The following USP7 variants were observed in gnomAD, a reference collection of about 807,000 sequenced individuals.
The protein encoded by USP7 is ubiquitin C-terminal hydrolase 7.
USP7 carries 9 observed loss-of-function variants against 162.9 expected under a neutral mutation model. The observed-to-expected ratio is 0.06, with a 90% CI of 0.03 to 0.10. USP7 has a LOEUF of 0.10. Ranked by LOEUF, USP7 falls within the 10% of genes least tolerant of loss-of-function variation. The probability of loss-of-function intolerance (pLI) is 1.00; values close to 1 mark genes in which losing one functional copy is unlikely to be tolerated. For missense variants in USP7, 715 were observed against 1,373.7 expected (o/e 0.52, Z 7.58); for synonymous variants, 562 against 475.9 (o/e 1.18, Z -2.35).
chr16:8,934,651 C>A (rs1898578326), intron 1 of USP7, among the ~76,000 whole-genome samples: 1 of 152,212 alleles, frequency 6.6e-6, no homozygotes, highest in African/African-American at 2.4e-5. Flanking sequence ...CTGAGCAAGA[C>A]CCCAGCTTTT....
chr16:8,895,230 C>T (rs2061663269), intron 27 of USP7, 80 bp from the exon 28 acceptor site: 2 of 1,602,116 alleles, frequency 1.2e-6, no homozygotes, highest in Non-Finnish European at 8.5e-7. Context: ...TCTCACACTA[C>T]TCTAACCCGG....
chr16:8,897,726 A>AAAAAAAAAAATATAT (rs1555461671), intron 25 of USP7, among the ~76,000 whole-genome samples: 3 of 7,132 alleles, frequency 4.2e-4, no homozygotes, highest in Non-Finnish European at 7.0e-4. Flanking sequence ...AAAAAAAAAA[A>AAAAAAAAAAATATAT]ATATATATAT....
intron 1 of USP7, among the ~76,000 whole-genome samples, chr16:8,948,172 C>A (rs761738032): frequency 6.6e-6 from 1 of 152,210 alleles, no homozygotes; most frequent in Non-Finnish European, 1.5e-5. Flanking sequence ...CCCACAGTTC[C>A]GCTCCCCTGA....
At chr16:8,900,148 C>T in intron 21 of USP7, 1 of 359,980 alleles carries the variant, frequency 2.8e-6, no homozygotes, top group Admixed American at 4.6e-5. Context: ...GAGCCACTTT[C>T]AGACACTGAG....
At chr16:8,942,401 C>T (rs1899089320) in intron 1 of USP7, among the ~76,000 whole-genome samples, 2 of 152,192 alleles carry the variant, frequency 1.3e-5, no homozygotes, top group African/African-American at 4.8e-5. Context: ...GGTCTCCTGA[C>T]AAGCTCCTTT....
At chr16:8,945,914 A>G (rs1443032835) in intron 1 of USP7, among the ~76,000 whole-genome samples, 1 of 152,074 alleles carries the variant, frequency 6.6e-6, no homozygotes, top group African/African-American at 2.4e-5. Context: ...AAAAAAAACA[A>G]CAGCACTGAT....
chr16:8,943,686 G>A (rs1212794930), intron 1 of USP7, among the ~76,000 whole-genome samples: 1 of 152,158 alleles, frequency 6.6e-6, no homozygotes, highest in African/African-American at 2.4e-5. Context: ...TGGCTGGCGG[G>A]AACACACTTT....
chr16:8,902,507 T>A (rs1292317727), intron 16 of USP7, 25 bp from the exon 17 acceptor site: 1 of 1,603,578 alleles, frequency 6.2e-7, no homozygotes, highest in Non-Finnish European at 8.5e-7. Flanking sequence ...AAGAGTAGAT[T>A]AAAATAAAAA....
In USP7 at chr16:8,958,696, C is replaced by T. The variant is rs559672177; in HGVS notation, c.79+4511G>A. 1.2e-4 allele frequency among the ~76,000 whole-genome samples: 18 copies of T among 152,338 alleles called. No homozygotes were observed. The South Asian group carries it at 3.3e-3, about 28-fold the overall frequency. ...GCCACTATCTAGTGTTCCACTTCCCCACACTCATCGCAGGGAGCTCTAGCA... is the reference window on the plus strand; with the variant it reads ...GCCACTATCTAGTGTTCCACTTCCCTACACTCATCGCAGGGAGCTCTAGCA... On this transcript the variant is annotated intron_variant, in intron 1 of 30. Coordinates refer to ENST00000344836, the MANE Select transcript of USP7 (RefSeq NM_003470.3).
In USP7 at chr16:8,894,117, A is replaced by C. The variant is rs1171438651; in HGVS notation, c.3203-13T>G. ...TGAGACATATTACCTGGTGGGGATG[A>C]AGAAAAGCAAGTGAGGCCACAGAGC... On this transcript the variant is annotated splice_polypyrimidine_tract_variant and intron_variant, in intron 30 of 30. Transcript: ENST00000344836. 6.2e-7 allele frequency: 1 copy of C among 1,612,032 alleles called. No homozygotes were observed. The highest frequency in any genetic ancestry group is 8.5e-7 in the Non-Finnish European group (1 of 1,178,156).
chr16:8,958,334 G>A (rs1472978965), intron 1 of USP7, among the ~76,000 whole-genome samples: 1 of 152,230 alleles, frequency 6.6e-6, no homozygotes, highest in Non-Finnish European at 1.5e-5. Context: ...ACAAGTGCAT[G>A]TGTGCTGGGA....
chr16:8,894,073 C>A lies in USP7; in HGVS notation c.3234G>T (p.Gly1078=). The A allele has an allele frequency of 6.2e-7, 1 of 1,614,192 alleles. No homozygotes were observed. Among genetic ancestry groups the A allele is most frequent in the Non-Finnish European group, 8.5e-7 (1 of 1,180,044 alleles). ...GNMSHPRPWL[G]LDHFNKAPKR... is the part of the protein sequence containing the mutation. ...TTGGGGCTTTGTTGAAGTGGTCGAG[C>A]CCTAGCCAAGGCCGAGGATGAGACA... Residue 1078 remains glycine (G), a synonymous_variant, in exon 31 of 31, where the codon GGG becomes GGT. Transcript: ENST00000344836.
intron 18 of USP7, 83 bp from the exon 19 acceptor site, chr16:8,901,317 A>C: frequency 2.4e-6 from 2 of 832,864 alleles, no homozygotes; most frequent in Non-Finnish European, 1.8e-6. Flanking sequence ...CAAACAAAAA[A>C]ACGAAAAAAA....
intron 10 of USP7, among the ~76,000 whole-genome samples, chr16:8,913,724 A>G (rs2061986425): frequency 6.6e-6 from 1 of 152,090 alleles, no homozygotes; most frequent in Admixed American, 6.5e-5. Context: ...GGGTCAACAT[A>G]AAGCACTTCC....
At chr16:8,939,141 A>G (rs1181690057) in intron 1 of USP7, among the ~76,000 whole-genome samples, 1 of 152,182 alleles carries the variant, frequency 6.6e-6, no homozygotes, top group African/African-American at 2.4e-5. Flanking sequence ...ACGTGTATTT[A>G]GTTCTCTACA....
chr16:8,903,979 C>T (rs1369908490), intron 15 of USP7, among the ~76,000 whole-genome samples: 2 of 152,186 alleles, frequency 1.3e-5, no homozygotes, highest in Non-Finnish European at 2.9e-5. Context: ...AGATGACCTC[C>T]TCCCTTTCTC....
At chr16:8,929,411 C>T in intron 2 of USP7, 1 of 450,772 alleles carries the variant, frequency 2.2e-6, no homozygotes, top group South Asian at 1.6e-5. Context: ...GGGTAAACCG[C>T]ACTGTGAGAG....
At chr16:8,917,204 G>C (rs956681835) in intron 6 of USP7, 48 bp from the exon 7 acceptor site, 10 of 1,549,264 alleles carry the variant, frequency 6.5e-6, no homozygotes, top group Non-Finnish European at 8.7e-6. Context: ...AGATGCAGGG[G>C]AATTTAAAAA....
rs1657066 is a variant in USP7, at chr16:8,906,228, A to T, written c.1428+198T>A. On this transcript the variant is annotated intron_variant, in intron 13 of 30. Transcript: ENST00000344836. ...CCAACATTGATTACTCACAAAGAGA[A>T]GCACAAATGCTAATTTACTATTTAC... is the stretch of plus-strand genomic sequence containing the variant. 3.3e-5 allele frequency among the ~76,000 whole-genome samples: 5 copies of T among 152,308 alleles called. No individual in the cohort carries two copies. In the East Asian group the frequency reaches 9.6e-4, roughly 29 times the overall value.
Sources: gnomAD v4.1 joint callset for allele counts (sites outside exome capture counted in the v4.1 genomes callset) on GRCh38, gnomAD v4.1.1 for gene constraint, MANE v1.5 for transcripts, NCBI Gene and HGNC (gene_info 2026-07-23, HGNC 2026-07-21) for gene names.